Variants in PSD3 observed in about 807,000 individuals in gnomAD.
The protein encoded by PSD3 is PH and SEC7 domain-containing protein 3.
Under a neutral mutation model 105.5 loss-of-function variants are expected in PSD3, and 49 were observed. The observed-to-expected ratio is 0.46, with a 90% CI of 0.37 to 0.59. The LOEUF (loss-of-function observed/expected upper bound fraction) is 0.59, where lower values mean the gene tolerates loss of function less well. Among genes scored for constraint, PSD3 ranks in the 20% least tolerant of loss-of-function variants. PSD3 has a pLI of 0.00. For synonymous variants in PSD3, 557 were observed against 457.8 expected (o/e 1.22, Z -2.77); for missense variants, 1,561 against 1,263.8 (o/e 1.24, Z -3.57).
intron 2 of PSD3, among the ~76,000 whole-genome samples, chr8:18,930,438 G>A (rs962069040): frequency 1.3e-5 from 2 of 152,148 alleles, no homozygotes; most frequent in African/African-American, 4.8e-5. Flanking sequence ...TGAAACCGGA[G>A]GACAGGCCAT....
intron 11 of PSD3, among the ~76,000 whole-genome samples, chr8:18,614,087 T>A (rs1010325475): frequency 2.0e-5 from 3 of 152,202 alleles, no homozygotes; most frequent in Admixed American, 2.0e-4. Flanking sequence ...TGCATTGCGG[T>A]CTGGTTTGTC....
chr8:18,719,360 G>C (rs192290925), intron 9 of PSD3, among the ~76,000 whole-genome samples: 53 of 152,172 alleles, frequency 3.5e-4, no homozygotes, highest in Middle Eastern at 3.4e-3. Flanking sequence ...CCAGACTTTT[G>C]CTTTATTCCA....
chr8:18,893,519 A>T (rs549884640), intron 2 of PSD3, among the ~76,000 whole-genome samples: 2 of 152,026 alleles, frequency 1.3e-5, no homozygotes, highest in South Asian at 4.2e-4. Context: ...TCAGTATAAG[A>T]TTTTCTTCAA....
At chr8:19,061,712 G>A (rs1828901866) in intron 1 of PSD3, among the ~76,000 whole-genome samples, 2 of 151,888 alleles carry the variant, frequency 1.3e-5, no homozygotes, top group Admixed American at 1.3e-4. Context: ...GTCTGAGGCA[G>A]GAGAATCGCT....
intron 15 of PSD3, among the ~76,000 whole-genome samples, chr8:18,545,942 A>G (rs190479600): frequency 6.4e-4 from 98 of 152,290 alleles, no homozygotes; most frequent in African/African-American, 2.3e-3. Flanking sequence ...TTCCCCAGTG[A>G]TCTCCTAAGA....
At chr8:18,650,676 C>T (rs574516640) in intron 10 of PSD3, among the ~76,000 whole-genome samples, 2 of 152,294 alleles carry the variant, frequency 1.3e-5, no homozygotes, top group Middle Eastern at 3.4e-3. Flanking sequence ...GGGCCAGGCA[C>T]AGGAGAAGCT....
At chr8:18,578,906 T>C (rs1802628431) in intron 12 of PSD3, among the ~76,000 whole-genome samples, 2 of 152,076 alleles carry the variant, frequency 1.3e-5, no homozygotes, top group African/African-American at 4.8e-5. Flanking sequence ...GAGAACACTA[T>C]ATACGGCATC....
At chr8:18,859,278 T>C (rs1302966099) in intron 4 of PSD3, among the ~76,000 whole-genome samples, 1 of 145,868 alleles carries the variant, frequency 6.9e-6, no homozygotes, top group Non-Finnish European at 1.5e-5. Flanking sequence ...GGGCTTAAAA[T>C]AGTCAGTAAA....
At chr8:18,891,533 A>G (rs1818782642) in intron 2 of PSD3, among the ~76,000 whole-genome samples, 1 of 152,184 alleles carries the variant, frequency 6.6e-6, no homozygotes, top group Non-Finnish European at 1.5e-5. Context: ...TCCATTCACT[A>G]GCAGTGATCT....
chr8:18,605,019 G>A (rs1197771767), intron 11 of PSD3, among the ~76,000 whole-genome samples: 1 of 152,260 alleles, frequency 6.6e-6, no homozygotes, highest in African/African-American at 2.4e-5. Context: ...TACTAGGGCA[G>A]TGTGGAGGGC....
chr8:18,986,475 C>A (rs554854221), intron 1 of PSD3, among the ~76,000 whole-genome samples: 1 of 151,278 alleles, frequency 6.6e-6, no homozygotes, highest in African/African-American at 2.4e-5. Context: ...TCAGGGAATT[C>A]AGTAAGGTCT....
chr8:18,718,802 T>G (rs1207508401), intron 9 of PSD3, among the ~76,000 whole-genome samples: 2 of 152,024 alleles, frequency 1.3e-5, no homozygotes, highest in Non-Finnish European at 2.9e-5. Context: ...ATAATGAGTT[T>G]GAAAGTCGTT....
chr8:18,684,184 C>T (rs1259827308), intron 9 of PSD3: 2 of 370,406 alleles, frequency 5.4e-6, no homozygotes, highest in Non-Finnish European at 1.0e-5. Flanking sequence ...CAATCCACCC[C>T]TGCTACTCGT....
chr8:18,750,926 T>TA (rs1396517891), intron 9 of PSD3, among the ~76,000 whole-genome samples: 3 of 152,102 alleles, frequency 2.0e-5, no homozygotes, highest in African/African-American at 7.2e-5. Flanking sequence ...ATCCCTGAGT[T>TA]AGACATAAAG....
At chr8:18,984,257 T>G (rs1825389278) in intron 1 of PSD3, among the ~76,000 whole-genome samples, 1 of 151,492 alleles carries the variant, frequency 6.6e-6, no homozygotes, top group Non-Finnish European at 1.5e-5. Context: ...TGCCTACATG[T>G]TTACAATAGA....
At chr8:18,544,501 T>A (rs555912312) in intron 15 of PSD3, among the ~76,000 whole-genome samples, 3 of 152,100 alleles carry the variant, frequency 2.0e-5, no homozygotes, top group African/African-American at 7.2e-5. Flanking sequence ...TGCCTAAATA[T>A]AGCAAATAAC....
chr8:18,714,915 C>T (rs1217317164), intron 9 of PSD3, among the ~76,000 whole-genome samples: 3 of 152,066 alleles, frequency 2.0e-5, no homozygotes, highest in Admixed American at 1.3e-4. Context: ...ATACAGAAAA[C>T]GTGGCACATA....
chr8:18,960,901 G>A (rs1020390529), intron 1 of PSD3, among the ~76,000 whole-genome samples: 1 of 151,838 alleles, frequency 6.6e-6, no homozygotes, highest in South Asian at 2.1e-4. Flanking sequence ...CCTGGGCAAC[G>A]TGGTAAAACT....
intron 11 of PSD3, among the ~76,000 whole-genome samples, chr8:18,618,864 T>C (rs908370554): frequency 2.6e-5 from 4 of 152,092 alleles, no homozygotes; most frequent in South Asian, 2.1e-4. Flanking sequence ...ATTCTTTTAT[T>C]TTGTAGAGAT....
Sources: allele counts gnomAD v4.1 joint callset (sites outside exome capture counted in the v4.1 genomes callset), GRCh38; gene constraint gnomAD v4.1.1; transcripts MANE v1.5; gene names NCBI Gene and HGNC (gene_info 2026-07-23, HGNC 2026-07-21).